Variants in MED13L observed in about 807,000 individuals in gnomAD.
MED13L encodes mediator complex subunit 13L.
A neutral mutation model predicts 220.9 loss-of-function variants in MED13L; 7 were observed. The observed-to-expected ratio is 0.03, with a 90% confidence interval of 0.02 to 0.06. The LOEUF is 0.06. Among genes scored for constraint, MED13L ranks in the 10% least tolerant of loss-of-function variants. The pLI is 1.00. For synonymous variants in MED13L, 1,011 were observed against 1,015.2 expected, an observed-to-expected ratio of 1.00 and a Z score of 0.08; for missense variants, 1,965 against 2,760.5, an observed-to-expected ratio of 0.71 and a Z score of 6.46.
At position 115,980,933 on chromosome 12, in the gene MED13L, C is replaced by T; in HGVS notation, c.5181G>A (p.Val1727=). 1.2e-6 allele frequency: 2 copies of T among 1,608,008 alleles called. No homozygotes were observed. Among genetic ancestry groups the T allele is most frequent in the Non-Finnish European group, 1.7e-6 (2 of 1,177,812 alleles). Residue 1727 remains valine (V), a synonymous_variant, in exon 23 of 31, where the codon GTG becomes GTA. Coordinates refer to ENST00000281928, the MANE Select transcript of MED13L (RefSeq NM_015335.5). Reference sequence around the variant, plus strand: ...TTGTCTGCAGCATGTACTGGCAAGGCACAATCTAAAGACACAAATACAAAA... The same window carrying T: ...TTGTCTGCAGCATGTACTGGCAAGGTACAATCTAAAGACACAAATACAAAA... ...HMRNSFILQI[V]PCQYMLQTMK...
chr12:115,994,228 T>C lies in MED13L; in HGVS notation c.2996+2248A>G, dbSNP rs539867602. ...TAGGAGGCCGAGGCAGGAGAAACAC[T>C]TGAACCCAGGAGTTCAGGACCAGTG... On this transcript the variant is annotated intron_variant, in intron 16 of 30. Transcript: ENST00000281928. Among the ~76,000 whole-genome samples, 29 of 152,224 alleles carry C rather than the reference T, an allele frequency of 1.9e-4. No individual in the cohort carries two copies. The South Asian group carries it at 3.5e-3, about 19-fold the overall frequency.
chr12:116,075,791 G>A (rs1440519296), intron 4 of MED13L, among the ~76,000 whole-genome samples: 2 of 152,154 alleles, frequency 1.3e-5, no homozygotes, highest in African/African-American at 2.4e-5. Context: ...AGAAGCTATA[G>A]TGGCACCAGA....
At chr12:116,217,139 A>G (rs1883046907) in intron 2 of MED13L, among the ~76,000 whole-genome samples, 1 of 152,208 alleles carries the variant, frequency 6.6e-6, no homozygotes. Context: ...CTCTCCTGTG[A>G]CAGTTACCTC....
At chr12:116,271,825 A>G (rs1021668051) in intron 1 of MED13L, among the ~76,000 whole-genome samples, 2 of 152,160 alleles carry the variant, frequency 1.3e-5, no homozygotes, top group Admixed American at 1.3e-4. Context: ...CAACCATACT[A>G]CTAATTCTCA....
At chr12:116,136,458 G>C (rs1359467143) in intron 2 of MED13L, among the ~76,000 whole-genome samples, 1 of 152,164 alleles carries the variant, frequency 6.6e-6, no homozygotes, top group Non-Finnish European at 1.5e-5. Flanking sequence ...GTGTGTATGA[G>C]AGAGAGGGAG....
At chr12:116,032,607 G>C (rs1259070846) in intron 4 of MED13L, among the ~76,000 whole-genome samples, 2 of 152,078 alleles carry the variant, frequency 1.3e-5, no homozygotes, top group African/African-American at 4.8e-5. Flanking sequence ...CTTCCTTTCA[G>C]ATACCGACAT....
chr12:116,259,857 T>C (rs1417939318), intron 1 of MED13L, among the ~76,000 whole-genome samples: 2 of 152,208 alleles, frequency 1.3e-5, no homozygotes, highest in African/African-American at 2.4e-5. Context: ...TTACATAAAA[T>C]TGTATAAAAT....
intron 1 of MED13L, among the ~76,000 whole-genome samples, chr12:116,252,987 C>A (rs930069500): frequency 2.6e-5 from 4 of 152,114 alleles, no homozygotes; most frequent in Admixed American, 6.5e-5. Flanking sequence ...GAGGGCCAGG[C>A]GTGATGGCTC....
At chr12:116,123,070 T>G (rs974329737) in intron 2 of MED13L, among the ~76,000 whole-genome samples, 1 of 152,198 alleles carries the variant, frequency 6.6e-6, no homozygotes, top group South Asian at 2.1e-4. Flanking sequence ...GATTACCATT[T>G]TTAACCTTTA....
intron 1 of MED13L, among the ~76,000 whole-genome samples, chr12:116,268,256 C>T (rs535424962): frequency 6.6e-6 from 1 of 152,216 alleles, no homozygotes; most frequent in African/African-American, 2.4e-5. Flanking sequence ...TAGCATTGTG[C>T]CAGGCTTACA....
In MED13L at chr12:116,178,865, C is replaced by A. The variant is rs535632290; in HGVS notation, c.310+58603G>T. 4.6e-5 allele frequency among the ~76,000 whole-genome samples: 7 copies of A among 152,284 alleles called. No homozygotes were observed. The East Asian group carries it at 1.4e-3, about 29-fold the overall frequency. ...AGTTTGACATGAGAAATTAATCTAA[C>A]ATCTTTTTAAGCACACTCTGAATAT... On this transcript the variant is annotated intron_variant, in intron 2 of 30. Coordinates refer to ENST00000281928, the MANE Select transcript of MED13L (RefSeq NM_015335.5).
chr12:116,209,667 C>T (rs2138345406), intron 2 of MED13L, among the ~76,000 whole-genome samples: 1 of 152,276 alleles, frequency 6.6e-6, no homozygotes, highest in African/African-American at 2.4e-5. Context: ...CTACCAAATG[C>T]TGAGGGAGTG....
chr12:115,975,508 T>G lies in MED13L; in HGVS notation c.5588+7A>C. ...TTACATGCACCATAAACATCAAGTC[T>G]TCTCACCTGTTTGGTAAAGCAATAT... On this transcript the variant is annotated splice_region_variant and intron_variant, in intron 24 of 30. Transcript: ENST00000281928. 1 of 1,611,972 alleles carries G rather than the reference T, an allele frequency of 6.2e-7. No homozygotes were observed. Among genetic ancestry groups the G allele is most frequent in the Non-Finnish European group, 8.5e-7 (1 of 1,178,160 alleles).
At chr12:115,977,358 T>TC (rs1877009178) in intron 23 of MED13L, among the ~76,000 whole-genome samples, 1 of 152,124 alleles carries the variant, frequency 6.6e-6, no homozygotes, top group Non-Finnish European at 1.5e-5. Flanking sequence ...GATTCAAAAC[T>TC]CAGGCTGAGA....
chr12:116,133,531 T>C (rs781654449), intron 2 of MED13L, among the ~76,000 whole-genome samples: 75 of 152,240 alleles, frequency 4.9e-4, no homozygotes, highest in Middle Eastern at 3.4e-3. Context: ...CCCCTAGATA[T>C]AGGCAGGCAG....
At chr12:116,110,359 A>G (rs1240065815) in intron 3 of MED13L, 1 of 125,600 alleles carries the variant, frequency 8.0e-6, no homozygotes, top group Non-Finnish European at 1.6e-5. Flanking sequence ...TAGCAAGATT[A>G]AATAAATAAA....
chr12:116,063,740 T>C (rs1274220498), intron 4 of MED13L, among the ~76,000 whole-genome samples: 1 of 152,202 alleles, frequency 6.6e-6, no homozygotes, highest in Admixed American at 6.5e-5. Flanking sequence ...TTTAAAATTT[T>C]TCTAATACTT....
intron 2 of MED13L, among the ~76,000 whole-genome samples, chr12:116,130,335 A>G (rs1429810689): frequency 6.6e-6 from 1 of 152,212 alleles, no homozygotes; most frequent in Non-Finnish European, 1.5e-5. Context: ...CTCATTTTCT[A>G]TGACAATCTG....
chr12:116,046,000 A>G (rs1002830993), intron 4 of MED13L, among the ~76,000 whole-genome samples: 3 of 152,122 alleles, frequency 2.0e-5, no homozygotes, highest in Admixed American at 6.5e-5. Context: ...ATATAAAATC[A>G]ACTCTGGAGA....
Sources: gnomAD v4.1 joint callset for allele counts (sites outside exome capture counted in the v4.1 genomes callset) on GRCh38, gnomAD v4.1.1 for gene constraint, MANE v1.5 for transcripts, NCBI Gene and HGNC (gene_info 2026-07-23, HGNC 2026-07-21) for gene names.